The following CFDP1 variants were observed in gnomAD, a reference collection of about 807,000 sequenced individuals.
The protein encoded by CFDP1 is chromatin remodeling protein CFDP1, also known as heterochromatin-stabilizing protein CFDP1.
CFDP1 carries 31 observed loss-of-function variants against 40.1 expected under a neutral mutation model. The ratio of observed to expected loss-of-function variants is 0.77; its 90% CI spans 0.58 to 1.04. The LOEUF is 1.04. CFDP1 is among the 50% of genes least tolerant of loss of function. CFDP1 has a pLI of 0.00. For missense variants in CFDP1, 423 were observed against 343.4 expected, an observed-to-expected ratio of 1.23 and a Z score of -1.83; for synonymous variants, 167 against 120.0, an observed-to-expected ratio of 1.39 and a Z score of -2.56.
intron 5 of CFDP1, among the ~76,000 whole-genome samples, chr16:75,382,657 G>A (rs972094545): frequency 6.6e-5 from 10 of 152,236 alleles, no homozygotes; most frequent in Non-Finnish European, 1.0e-4. Flanking sequence ...CAGACGTGAT[G>A]CTTGTGGTTA....
At chr16:75,395,728 A>C (rs2285221) in intron 4 of CFDP1, among the ~76,000 whole-genome samples, 1 of 152,066 alleles carries the variant, frequency 6.6e-6, no homozygotes, top group Non-Finnish European at 1.5e-5. Context: ...AATGTGTATA[A>C]ATTTTATCAC....
chr16:75,384,778 G>A (rs1022569401), intron 5 of CFDP1, among the ~76,000 whole-genome samples: 1 of 149,102 alleles, frequency 6.7e-6, no homozygotes, highest in African/African-American at 2.5e-5. Context: ...AAATACAGAT[G>A]TTTATATTGA....
At chr16:75,350,339 A>G (rs750423461) in intron 5 of CFDP1, among the ~76,000 whole-genome samples, 2 of 152,196 alleles carry the variant, frequency 1.3e-5, no homozygotes, top group Non-Finnish European at 2.9e-5. Flanking sequence ...ACACCATTCT[A>G]TATCCAACCA....
At chr16:75,354,372 A>G (rs1271363160) in intron 5 of CFDP1, among the ~76,000 whole-genome samples, 1 of 152,166 alleles carries the variant, frequency 6.6e-6, no homozygotes, top group East Asian at 1.9e-4. Context: ...ACTGTTGTGG[A>G]GAAGAAAGTT....
At chr16:75,379,344 A>AAGAG (rs36050796) in intron 5 of CFDP1, among the ~76,000 whole-genome samples, 4 of 149,116 alleles carry the variant, frequency 2.7e-5, no homozygotes, top group South Asian at 2.1e-4. Flanking sequence ...CCAAAAAAAA[A>AAGAG]AGAGAGAGAG....
chr16:75,373,048 A>G (rs2078765615), intron 5 of CFDP1, among the ~76,000 whole-genome samples: 1 of 152,010 alleles, frequency 6.6e-6, no homozygotes, highest in African/African-American at 2.4e-5. Flanking sequence ...AACTGAAACA[A>G]CTCTGGCCCA....
chr16:75,330,975 A>C (rs1417530332), intron 5 of CFDP1, among the ~76,000 whole-genome samples: 5 of 147,056 alleles, frequency 3.4e-5, no homozygotes, highest in Non-Finnish European at 5.9e-5. Context: ...AAAAAAAAAA[A>C]AAAAAAAAAA....
chr16:75,416,102 T>C (rs1218198015), intron 1 of CFDP1, among the ~76,000 whole-genome samples: 1 of 152,178 alleles, frequency 6.6e-6, no homozygotes. Flanking sequence ...TCCAGCCGCC[T>C]TGGCCTCCCA....
chr16:75,422,756 G>A (rs2079294759), intron 1 of CFDP1, among the ~76,000 whole-genome samples: 1 of 151,606 alleles, frequency 6.6e-6, no homozygotes. Context: ...TAAGGCAGAA[G>A]GATCGCTTGA....
At chr16:75,310,607 G>A (rs933415166) in intron 5 of CFDP1, among the ~76,000 whole-genome samples, 1 of 152,138 alleles carries the variant, frequency 6.6e-6, no homozygotes, top group Non-Finnish European at 1.5e-5. Flanking sequence ...AGATATTATG[G>A]TAACTTGTTT....
At chr16:75,328,972 G>A (rs185967707) in intron 5 of CFDP1, among the ~76,000 whole-genome samples, 1,582 of 151,570 alleles carry the variant, frequency 0.01, 32 homozygotes, top group African/African-American at 0.033. Context: ...TCGGCCTCCC[G>A]AGCAGCTGGG....
At chr16:75,302,438 T>G (rs907603303) in intron 6 of CFDP1, among the ~76,000 whole-genome samples, 4 of 152,190 alleles carry the variant, frequency 2.6e-5, no homozygotes, top group African/African-American at 4.8e-5. Context: ...TTTTGATTTT[T>G]AGTAGAGGCA....
At chr16:75,394,658 CTTTTTTTTTT>C (rs1162951313) in intron 5 of CFDP1, 3 of 103,300 alleles carry the variant, frequency 2.9e-5, no homozygotes, top group Non-Finnish European at 5.5e-5. Context: ...ATTTTCTTCG[CTTTTTTTTTT>C]TTTTTTTTTT....
intron 5 of CFDP1, among the ~76,000 whole-genome samples, chr16:75,338,788 G>C (rs570539876): frequency 2.6e-5 from 4 of 152,126 alleles, no homozygotes; most frequent in Non-Finnish European, 5.9e-5. Context: ...TGATATCTAA[G>C]GGATAGCTTC....
At chr16:75,331,473 C>T (rs1172166312) in intron 5 of CFDP1, among the ~76,000 whole-genome samples, 1 of 152,098 alleles carries the variant, frequency 6.6e-6, no homozygotes, top group Non-Finnish European at 1.5e-5. Flanking sequence ...CAAATGTATA[C>T]CCCTATGTAA....
intron 5 of CFDP1, among the ~76,000 whole-genome samples, chr16:75,374,620 C>T (rs1342809575): frequency 6.6e-6 from 1 of 151,646 alleles, no homozygotes; most frequent in Non-Finnish European, 1.5e-5. Context: ...AGTTTGAGAC[C>T]AGCCTGGGCA....
At chr16:75,420,111 CAAAAAAAAA>C (rs10706144) in intron 1 of CFDP1, among the ~76,000 whole-genome samples, 1 of 62,634 alleles carries the variant, frequency 1.6e-5, no homozygotes, top group African/African-American at 6.3e-5. Flanking sequence ...ACCTTCATCT[CAAAAAAAAA>C]AAAAAAAAAA....
chr16:75,343,638 C>G lies in CFDP1; in HGVS notation c.651-38456G>C, dbSNP rs115542920. Reference sequence around the variant, plus strand: ...TGGAAAAGAGTTCATGACTTCATCACTAGCTCAATTATTTTACAAGCTTCC... The same window carrying G: ...TGGAAAAGAGTTCATGACTTCATCAGTAGCTCAATTATTTTACAAGCTTCC... On this transcript the variant is annotated intron_variant, in intron 5 of 6. Transcript: ENST00000283882. Among the ~76,000 whole-genome samples the G allele has an allele frequency of 3.5e-3, 527 of 152,342 alleles. 3 individuals are homozygous for G. The highest frequency in any genetic ancestry group is 0.012 in the African/African-American group (514 of 41,576).
At chr16:75,424,894 A>ATAG (rs2079319304) in intron 1 of CFDP1, among the ~76,000 whole-genome samples, 1 of 152,210 alleles carries the variant, frequency 6.6e-6, no homozygotes, top group African/African-American at 2.4e-5. Context: ...AAAGGAAGAA[A>ATAG]TAAAACTGTT....
Sources: allele counts gnomAD v4.1 joint callset (sites outside exome capture counted in the v4.1 genomes callset), GRCh38; gene constraint gnomAD v4.1.1; transcripts MANE v1.5; gene names NCBI Gene and HGNC (gene_info 2026-07-23, HGNC 2026-07-21).